NSD1: variants seen among roughly 807,000 people sequenced by gnomAD.
The protein encoded by NSD1 is nuclear receptor binding SET domain protein 1.
A neutral mutation model predicts 242.7 loss-of-function variants in NSD1; 26 were observed. The ratio of observed to expected loss-of-function variants is 0.11; its 90% CI spans 0.08 to 0.15. The LOEUF (loss-of-function observed/expected upper bound fraction) is 0.15, where lower values mean the gene tolerates loss of function less well. NSD1 is among the 10% of genes least tolerant of loss of function. NSD1 has a pLI of 1.00. For missense variants in NSD1, 2,495 were observed against 3,272.8 expected, an observed-to-expected ratio of 0.76 and a Z score of 5.80; for synonymous variants, 1,106 against 1,178.1, an observed-to-expected ratio of 0.94 and a Z score of 1.25.
At chr5:177,186,988 T>G (rs1457769801) in intron 2 of NSD1, among the ~76,000 whole-genome samples, 1 of 152,120 alleles carries the variant, frequency 6.6e-6, no homozygotes, top group Non-Finnish European at 1.5e-5. Flanking sequence ...TAGGTTGGAT[T>G]TAAACACTTT....
chr5:177,159,621 G>A (rs1350068632), intron 2 of NSD1, among the ~76,000 whole-genome samples: 1 of 142,434 alleles, frequency 7.0e-6, no homozygotes, highest in African/African-American at 2.6e-5. Flanking sequence ...TTGAGACGGA[G>A]TTTCGCTCTT....
intron 2 of NSD1, among the ~76,000 whole-genome samples, chr5:177,175,910 C>T (rs1760156532): frequency 6.6e-6 from 1 of 151,658 alleles, no homozygotes; most frequent in African/African-American, 2.4e-5. Flanking sequence ...GAGTCTTGCC[C>T]TGTCACCCAT....
At position 177,269,870 on chromosome 5, in the gene NSD1, G is replaced by C. The variant is rs1757814169; in HGVS notation, c.5509+63G>C. The C allele has an allele frequency of 4.2e-6, 6 of 1,415,014 alleles. No homozygotes were observed. Among genetic ancestry groups the C allele is most frequent in the African/African-American group, 1.4e-5 (1 of 70,264 alleles). 87.7% of individuals were successfully genotyped at this position (1,415,014 alleles called of 1,614,324 possible). A position where few individuals can be genotyped will look rare whatever the true frequency, so the allele number is the denominator to read the frequency against. ...CCTCTGTTACCTGAGTGTCTGATCT[G>C]TTTTAGAATTCACATATGCTCCATT... On this transcript the variant is annotated intron_variant, in intron 16 of 22. Coordinates refer to ENST00000439151, the MANE Select transcript of NSD1 (RefSeq NM_022455.5). This position sits in a 1 kb window ranked among gnomAD's most constrained non-coding sequence, Gnocchi z 5.1.
chr5:177,139,325 G>T (rs181389716), intron 2 of NSD1, among the ~76,000 whole-genome samples: 50 of 147,686 alleles, frequency 3.4e-4, no homozygotes, highest in African/African-American at 1.2e-3. Flanking sequence ...TTAGCTGGGC[G>T]TGGTGGCAGG....
intron 17 of NSD1, among the ~76,000 whole-genome samples, chr5:177,274,860 A>G (rs545681944): frequency 4.6e-5 from 7 of 151,962 alleles, no homozygotes; most frequent in African/African-American, 1.7e-4. Context: ...CAGCCTCCCG[A>G]GTAGCTGGGA....
At chr5:177,207,390 C>T (rs909769477) in intron 4 of NSD1, among the ~76,000 whole-genome samples, 6 of 151,850 alleles carry the variant, frequency 4.0e-5, no homozygotes, top group Admixed American at 3.3e-4. Flanking sequence ...TCACGCCATT[C>T]TCCTGCCTCA....
rs370502937 is a variant in NSD1, at chr5:177,205,185, C to T, written c.1236+893C>T. ...CCAAGTAGCTGGGATTATAGGTGCC[C>T]GCCACCACACCTGGCTAATTTTTGT... On this transcript the variant is annotated intron_variant, in intron 4 of 22. Transcript: ENST00000439151. Among the ~76,000 whole-genome samples, 27 of 151,882 alleles carry T rather than the reference C, an allele frequency of 1.8e-4. No homozygotes were observed. In the South Asian group the frequency reaches 3.8e-3, roughly 21 times the overall value.
At chr5:177,271,391 T>G (rs1456120512) in intron 16 of NSD1, among the ~76,000 whole-genome samples, 1 of 152,162 alleles carries the variant, frequency 6.6e-6, no homozygotes, top group Non-Finnish European at 1.5e-5. Flanking sequence ...TTTAAGTGCT[T>G]ATGATAACCC....
intron 2 of NSD1, among the ~76,000 whole-genome samples, chr5:177,184,017 A>T (rs575117794): frequency 2.6e-5 from 4 of 152,278 alleles, no homozygotes; most frequent in Admixed American, 2.6e-4. Context: ...TATGTACCAC[A>T]TTTGCTTTAT....
rs1452361534 is a variant in NSD1 at position 177,258,522 on chromosome 5, GTTGTTGTTGT to G, written c.4966+1384_4966+1393del. Among the ~76,000 whole-genome samples the G allele has an allele frequency of 3.0e-4, 45 of 150,780 alleles. No individual in the cohort carries two copies. The East Asian group carries it at 6.1e-3, about 20-fold the overall frequency. ...TTTGGTAAAACAAGTTGTTTTTGTT[GTTGTTGTTGT>G]TTGTTGTTGTTTTTTTTTTTGAGAT... On this transcript the variant is annotated intron_variant, in intron 13 of 22. Coordinates refer to ENST00000439151, the MANE Select transcript of NSD1 (RefSeq NM_022455.5).
chr5:177,266,289 A>C, intron 14 of NSD1: 1 of 738,152 alleles, frequency 1.4e-6, no homozygotes, highest in Non-Finnish European at 2.5e-6. Context: ...AAGTGGTCTA[A>C]CTTGTTGGCT....
chr5:177,234,555 A>G (rs1765298297), intron 5 of NSD1, among the ~76,000 whole-genome samples: 1 of 152,138 alleles, frequency 6.6e-6, no homozygotes. Context: ...TGTCTGTACT[A>G]AAAATACAAA....
intron 14 of NSD1, among the ~76,000 whole-genome samples, chr5:177,260,417 G>A (rs1187700566): frequency 4.5e-5 from 6 of 132,788 alleles, no homozygotes; most frequent in African/African-American, 1.7e-4. Context: ...CACAATCTCA[G>A]CTAACTGCAG....
chr5:177,205,122 C>T (rs1350794143), intron 4 of NSD1, among the ~76,000 whole-genome samples: 3 of 152,010 alleles, frequency 2.0e-5, no homozygotes, highest in African/African-American at 4.8e-5. Flanking sequence ...CTGCAACTTC[C>T]GCCTCCCAGG....
Position 177,238,178 on chromosome 5 carries a change from T to G in NSD1, c.3922-59T>G. The G allele has an allele frequency of 6.3e-7, 1 of 1,577,282 alleles. No individual in the cohort carries two copies. The highest frequency in any genetic ancestry group is 1.1e-5 in the South Asian group (1 of 90,160). ...TCCTTTTAAAGTGTGTTATTCTTTT[T>G]GACACTTAAATTACAACAATTTTGG... On this transcript the variant is annotated intron_variant, in intron 6 of 22. Transcript: ENST00000439151. This position sits in a 1 kb window ranked among gnomAD's most constrained non-coding sequence, Gnocchi z 4.6.
At chr5:177,287,019 A>G (rs1326638882) in intron 20 of NSD1, among the ~76,000 whole-genome samples, 1 of 152,230 alleles carries the variant, frequency 6.6e-6, no homozygotes, top group Non-Finnish European at 1.5e-5. Flanking sequence ...CATACCTGCA[A>G]CTTACTGTCT....
intron 5 of NSD1, among the ~76,000 whole-genome samples, chr5:177,228,109 T>C (rs1296412045): frequency 6.6e-6 from 1 of 152,032 alleles, no homozygotes; most frequent in Non-Finnish European, 1.5e-5. Context: ...AGAAACTCAT[T>C]TTTCACAGTG....
chr5:177,224,389 T>C (rs895945413), intron 5 of NSD1, among the ~76,000 whole-genome samples: 4 of 152,196 alleles, frequency 2.6e-5, no homozygotes, highest in African/African-American at 9.6e-5. Context: ...CTTAAAAAAA[T>C]TTATTCCTAA....
intron 2 of NSD1, among the ~76,000 whole-genome samples, chr5:177,143,174 A>G (rs762204152): frequency 1.3e-5 from 2 of 152,116 alleles, no homozygotes; most frequent in Admixed American, 6.6e-5. Flanking sequence ...AATGGACCAA[A>G]TTACTAAAAC....
Sources: allele counts gnomAD v4.1 joint callset (sites outside exome capture counted in the v4.1 genomes callset), GRCh38; gene constraint gnomAD v4.1.1; non-coding constraint Gnocchi (gnomAD v3.1); transcripts MANE v1.5; gene names NCBI Gene and HGNC (gene_info 2026-07-23, HGNC 2026-07-21).